Variants in RBMS3 observed in about 807,000 individuals in gnomAD.
The protein encoded by RBMS3 is RNA-binding motif, single-stranded-interacting protein 3.
A neutral mutation model predicts 66.8 loss-of-function variants in RBMS3; 27 were observed. The observed-to-expected ratio is 0.40, with a 90% CI of 0.30 to 0.56. The LOEUF (loss-of-function observed/expected upper bound fraction) is 0.56. Ranked by LOEUF, RBMS3 falls within the 20% of genes least tolerant of loss-of-function variation. The pLI is 0.40. For synonymous variants in RBMS3, 188 were observed against 183.0 expected (o/e 1.03, Z -0.22); for missense variants, 513 against 549.5 (o/e 0.93, Z 0.66).
intron 3 of RBMS3, among the ~76,000 whole-genome samples, chr3:29,539,786 A>G (rs1392515694): frequency 6.6e-6 from 1 of 152,226 alleles, no homozygotes; most frequent in Non-Finnish European, 1.5e-5. Context: ...AAAGTTCAAC[A>G]TTATCAAAAT....
At chr3:29,976,614 A>G (rs1173861229) in intron 12 of RBMS3, among the ~76,000 whole-genome samples, 1 of 151,992 alleles carries the variant, frequency 6.6e-6, no homozygotes, top group African/African-American at 2.4e-5. Flanking sequence ...GGGACACTCG[A>G]CGCTCAAGGA....
At chr3:29,850,215 C>T (rs1189232157) in intron 6 of RBMS3, among the ~76,000 whole-genome samples, 1 of 152,088 alleles carries the variant, frequency 6.6e-6, no homozygotes, top group Non-Finnish European at 1.5e-5. Context: ...GAGAAAAGAG[C>T]TTATTAATGG....
intron 1 of RBMS3, among the ~76,000 whole-genome samples, chr3:29,380,212 T>TCACACACACA (rs10584637): frequency 3.4e-5 from 5 of 149,206 alleles, no homozygotes; most frequent in African/African-American, 1.2e-4. Flanking sequence ...TAGGGGAATC[T>TCACACACACA]CACACACACA....
chr3:29,394,252 GCA>G (rs1458312357), intron 1 of RBMS3, among the ~76,000 whole-genome samples: 4 of 152,172 alleles, frequency 2.6e-5, no homozygotes, highest in Non-Finnish European at 4.4e-5. Context: ...TTCGCTTTCT[GCA>G]AGAAGAGAAA....
chr3:29,434,573 G>A (rs753817977), intron 1 of RBMS3, among the ~76,000 whole-genome samples, 170 bp from the exon 2 acceptor site: 4 of 152,096 alleles, frequency 2.6e-5, no homozygotes, highest in Non-Finnish European at 4.4e-5. Context: ...GGGCCAGGGC[G>A]GGGGACGATA....
chr3:29,543,124 T>A (rs533424226), intron 3 of RBMS3, among the ~76,000 whole-genome samples: 11 of 152,288 alleles, frequency 7.2e-5, no homozygotes, highest in South Asian at 2.1e-4. Flanking sequence ...GCCATGTTTC[T>A]CTTTGACCTC....
chr3:29,793,083 C>CA (rs2057065945), intron 6 of RBMS3, among the ~76,000 whole-genome samples: 1 of 151,778 alleles, frequency 6.6e-6, no homozygotes, highest in South Asian at 2.1e-4. Context: ...ACTAAAAATA[C>CA]AAAAAATTAG....
At chr3:29,548,413 G>A (rs572915646) in intron 3 of RBMS3, among the ~76,000 whole-genome samples, 2 of 150,426 alleles carry the variant, frequency 1.3e-5, no homozygotes, top group South Asian at 4.3e-4. Context: ...CTGGGTGACA[G>A]AGTGAGACTC....
intron 5 of RBMS3, among the ~76,000 whole-genome samples, chr3:29,747,471 A>G (rs1415847639): frequency 3.3e-5 from 5 of 152,004 alleles, no homozygotes; most frequent in African/African-American, 1.2e-4. Flanking sequence ...CTATTATCCA[A>G]TACTGGCTTG....
At chr3:29,912,096 G>A (rs1559793409) in intron 10 of RBMS3, among the ~76,000 whole-genome samples, 2 of 151,678 alleles carry the variant, frequency 1.3e-5, no homozygotes, top group Non-Finnish European at 3.0e-5. Context: ...GGATGGATGG[G>A]TGGTCAGACA....
At chr3:29,615,026 A>G (rs950373632) in intron 4 of RBMS3, 2 of 152,248 alleles carry the variant, frequency 1.3e-5, no homozygotes, top group Admixed American at 1.3e-4. Flanking sequence ...AATTATTCCA[A>G]TTTGAAAAAC....
chr3:29,410,889 G>A (rs1323616956), intron 1 of RBMS3, among the ~76,000 whole-genome samples: 3 of 151,502 alleles, frequency 2.0e-5, no homozygotes, highest in African/African-American at 4.9e-5. Context: ...AAAGACAGGG[G>A]CACGGTGATA....
intron 5 of RBMS3, among the ~76,000 whole-genome samples, chr3:29,755,367 C>T (rs1431479396): frequency 6.6e-6 from 1 of 152,154 alleles, no homozygotes; most frequent in African/African-American, 2.4e-5. Flanking sequence ...TTGAAACACA[C>T]AGTCTTTGGG....
At chr3:29,597,783 C>T (rs2048004542) in intron 4 of RBMS3, among the ~76,000 whole-genome samples, 1 of 151,768 alleles carries the variant, frequency 6.6e-6, no homozygotes, top group South Asian at 2.1e-4. Flanking sequence ...AATATCATAC[C>T]TTTCTATAAA....
At chr3:29,812,641 G>T (rs1485697701) in intron 6 of RBMS3, among the ~76,000 whole-genome samples, 6 of 152,172 alleles carry the variant, frequency 3.9e-5, no homozygotes, top group Non-Finnish European at 8.8e-5. Context: ...AGCTAGGTTA[G>T]ATTCAAAGGT....
At chr3:29,849,190 G>A (rs1258530857) in intron 6 of RBMS3, among the ~76,000 whole-genome samples, 2 of 151,630 alleles carry the variant, frequency 1.3e-5, no homozygotes, top group Non-Finnish European at 2.9e-5. Flanking sequence ...GTGTGTGTGT[G>A]TGTGTGTGTG....
chr3:29,404,144 T>C (rs2039920204), intron 1 of RBMS3, among the ~76,000 whole-genome samples: 2 of 152,094 alleles, frequency 1.3e-5, no homozygotes, highest in Non-Finnish European at 2.9e-5. Flanking sequence ...ATCAGACACT[T>C]GGATGACATT....
At chr3:29,895,829 T>A (rs1280011128) in intron 8 of RBMS3, among the ~76,000 whole-genome samples, 1 of 151,516 alleles carries the variant, frequency 6.6e-6, no homozygotes. Context: ...ATGGGTGTAA[T>A]GTTTTGCTTT....
chr3:29,899,638 C>T (rs1477959869), intron 9 of RBMS3, 67 bp from the exon 10 acceptor site: 18 of 1,442,612 alleles, frequency 1.2e-5, no homozygotes, highest in Non-Finnish European at 1.6e-5. Flanking sequence ...AGTGTGACTC[C>T]ACTGAACACA....
Sources: gnomAD v4.1 joint callset for allele counts (sites outside exome capture counted in the v4.1 genomes callset) on GRCh38, gnomAD v4.1.1 for gene constraint, MANE v1.5 for transcripts, NCBI Gene and HGNC (gene_info 2026-07-23, HGNC 2026-07-21) for gene names.